The following PCDH11X variants were observed in gnomAD, a reference collection of about 807,000 sequenced individuals.
The protein encoded by PCDH11X is protocadherin-11 X-linked.
Under a neutral mutation model 53.3 loss-of-function variants are expected in PCDH11X, and 18 were observed. The ratio of observed to expected loss-of-function variants is 0.34; its 90% CI spans 0.23 to 0.50. PCDH11X has a LOEUF of 0.50. Ranked by LOEUF, PCDH11X falls within the 20% of genes least tolerant of loss-of-function variation. The probability of loss-of-function intolerance (pLI) is 0.98; values close to 1 mark genes in which losing one functional copy is unlikely to be tolerated. For missense variants in PCDH11X, 570 were observed against 1,032.4 expected (o/e 0.55, Z 6.14); for synonymous variants, 279 against 393.3 (o/e 0.71, Z 3.44).
chrX:92,341,920 A>T (rs1288195104), intron 8 of PCDH11X, among the ~76,000 whole-genome samples: 2 of 112,369 alleles, frequency 1.8e-5, no homozygotes. Context: ...AATGGGAGAA[A>T]ATATTCACAA....
chrX:92,180,992 A>T (rs2065988506), intron 6 of PCDH11X, among the ~76,000 whole-genome samples: 1 of 111,482 alleles, frequency 9.0e-6, no homozygotes, highest in Non-Finnish European at 1.9e-5. Flanking sequence ...TGTGAAAGCA[A>T]ATTTGGAACT....
intron 6 of PCDH11X, among the ~76,000 whole-genome samples, chrX:91,939,385 G>C (rs768700787): frequency 9.0e-6 from 1 of 110,841 alleles, no homozygotes; most frequent in Non-Finnish European, 1.9e-5. Context: ...TGTGGAACTA[G>C]AGTCTAAGAA....
At chrX:92,042,162 T>G (rs1188643367) in intron 6 of PCDH11X, among the ~76,000 whole-genome samples, 2 of 111,093 alleles carry the variant, frequency 1.8e-5, no homozygotes, top group Non-Finnish European at 3.8e-5. Context: ...CATTAAAATT[T>G]AATATTTTAT....
At chrX:92,134,935 T>C (rs1287446241) in intron 6 of PCDH11X, among the ~76,000 whole-genome samples, 1 of 110,762 alleles carries the variant, frequency 9.0e-6, no homozygotes, top group Non-Finnish European at 1.9e-5. Flanking sequence ...TCTCATCCTG[T>C]GTCTTAGAAT....
chrX:91,877,854 C>T lies in PCDH11X; in HGVS notation c.1614C>T (p.Phe538=), dbSNP rs1314088953. Residue 538 remains phenylalanine, a synonymous_variant, in exon 6 of 11, where the codon TTC becomes TTT. Transcript: ENST00000682573. ...GAGAAAAAGAGGATAAATATTTATT[C>T]ACAATTCTGGCAAAAGATAACGGGG... The part of the protein sequence containing the change: ...LDREKEDKYL[F]TILAKDNGVP... 8.3e-7 allele frequency: 1 copy of T among 1,211,490 alleles called. No homozygotes were observed. The highest frequency in any genetic ancestry group is 2.2e-5 in the Admixed American group (1 of 45,989).
At chrX:92,474,892 G>A (rs147217699) in intron 10 of PCDH11X, among the ~76,000 whole-genome samples, 14,257 of 109,110 alleles carry the variant, frequency 0.13, 1,442 homozygotes, top group African/African-American at 0.35. Context: ...TTGGCCGGGC[G>A]CGGTGGCTCA....
At chrX:92,594,652 G>A (rs1260438562) in intron 10 of PCDH11X, among the ~76,000 whole-genome samples, 8 of 109,329 alleles carry the variant, frequency 7.3e-5, no homozygotes, top group Non-Finnish European at 1.5e-4. Flanking sequence ...ATAGGACTCT[G>A]ACAGGTGCAC....
At chrX:92,265,617 A>G (rs1469081505) in intron 8 of PCDH11X, among the ~76,000 whole-genome samples, 1 of 111,756 alleles carries the variant, frequency 8.9e-6, no homozygotes, top group African/African-American at 3.3e-5. Flanking sequence ...GTACATATAT[A>G]TAGGAATGTG....
intron 6 of PCDH11X, among the ~76,000 whole-genome samples, chrX:92,051,052 T>C (rs1271189989): frequency 8.9e-6 from 1 of 112,161 alleles, no homozygotes; most frequent in Admixed American, 9.5e-5. Flanking sequence ...CCACAAATTC[T>C]ATAAACCAAA....
intron 9 of PCDH11X, among the ~76,000 whole-genome samples, chrX:92,403,331 TTTTTTTTG>T (rs1569481420): frequency 4.1e-5 from 3 of 73,507 alleles, no homozygotes; most frequent in African/African-American, 1.4e-4. Context: ...GCATTTACGT[TTTTTTTTG>T]TTTTTTTTTT....
intron 8 of PCDH11X, among the ~76,000 whole-genome samples, chrX:92,268,637 C>T (rs930431917): frequency 2.7e-5 from 3 of 111,998 alleles, no homozygotes; most frequent in African/African-American, 9.7e-5. Context: ...CATTGTACTG[C>T]AGGTACACTG....
At chrX:92,381,585 T>C (rs1240134415) in intron 8 of PCDH11X, among the ~76,000 whole-genome samples, 2 of 111,935 alleles carry the variant, frequency 1.8e-5, no homozygotes, top group Non-Finnish European at 3.8e-5. Context: ...AGAAATATTT[T>C]GATCCAAGCG....
Position 92,006,335 on chromosome X carries a change from G to A in PCDH11X, c.3033+127062G>A, listed in dbSNP as rs374837759. 1.5e-3 allele frequency among the ~76,000 whole-genome samples: 157 copies of A among 106,069 alleles called. 4 individuals are homozygous for A. The South Asian group carries it at 0.043, about 29-fold the overall frequency. The allele number at this position is 106,069 out of a possible 115,157, so 92.1% of individuals were successfully genotyped here. On this transcript the variant is annotated intron_variant, in intron 6 of 10. Transcript: ENST00000682573. ...TGACTCTTCTGTGTATTTTCAAATA[G>A]CCTGTCTTCAAGCTCAGTAATTCTT... is the stretch of plus-strand genomic sequence containing the variant.
intron 4 of PCDH11X, among the ~76,000 whole-genome samples, chrX:91,834,133 A>G (rs748796403): frequency 2.7e-5 from 3 of 111,228 alleles, no homozygotes; most frequent in African/African-American, 9.8e-5. Flanking sequence ...TTTTGTTTAT[A>G]TAATATATCA....
At chrX:92,401,399 T>C (rs1322130614) in intron 9 of PCDH11X, among the ~76,000 whole-genome samples, 1 of 111,255 alleles carries the variant, frequency 9.0e-6, no homozygotes, top group Non-Finnish European at 1.9e-5. Context: ...ATTTTTAATA[T>C]TACATTTTTT....
At chrX:92,237,790 C>T (rs1483323151) in intron 7 of PCDH11X, among the ~76,000 whole-genome samples, 5 of 111,402 alleles carry the variant, frequency 4.5e-5, no homozygotes, top group Non-Finnish European at 9.5e-5. Context: ...TATTTAATCA[C>T]AGATGATGAA....
intron 8 of PCDH11X, among the ~76,000 whole-genome samples, chrX:92,322,099 G>A (rs1414048372): frequency 1.8e-5 from 2 of 109,547 alleles, no homozygotes; most frequent in Non-Finnish European, 1.9e-5. Context: ...AATTTACTCC[G>A]TAGCCTATTT....
intron 9 of PCDH11X, among the ~76,000 whole-genome samples, chrX:92,429,624 G>A (rs1305596346): frequency 9.5e-6 from 1 of 105,495 alleles, no homozygotes; most frequent in Admixed American, 1.1e-4. Context: ...TTCAAGGAGG[G>A]TGAGTGGGTG....
intron 6 of PCDH11X, among the ~76,000 whole-genome samples, chrX:91,996,956 G>T (rs1440672994): frequency 1.6e-5 from 1 of 64,318 alleles, no homozygotes; most frequent in African/African-American, 5.9e-5. Flanking sequence ...CCCCCATGTT[G>T]CGCAAGGGTC....
Sources: allele counts gnomAD v4.1 joint callset (sites outside exome capture counted in the v4.1 genomes callset), GRCh38; gene constraint gnomAD v4.1.1; transcripts MANE v1.5; gene names NCBI Gene and HGNC (gene_info 2026-07-23, HGNC 2026-07-21).